ADGRG7: variants seen among roughly 807,000 people sequenced by gnomAD.
The protein encoded by ADGRG7 is adhesion G protein-coupled receptor G7.
In ADGRG7, 82 loss-of-function variants were observed where a neutral mutation model predicts 88.6. The ratio of observed to expected loss-of-function variants is 0.93; its 90% CI spans 0.77 to 1.11. The LOEUF (loss-of-function observed/expected upper bound fraction) is 1.11, where lower values mean the gene tolerates loss of function less well. ADGRG7 is among the 50% of genes most tolerant of loss of function. The pLI, the probability that ADGRG7 is intolerant of heterozygous loss-of-function variation, is 0.00. For synonymous variants in ADGRG7, 381 were observed against 345.2 expected (o/e 1.10, Z -1.15); for missense variants, 945 against 953.4 (o/e 0.99, Z 0.12).
At chr3:100,685,411 C>T (rs1003487785) in intron 15 of ADGRG7, among the ~76,000 whole-genome samples, 1 of 151,882 alleles carries the variant, frequency 6.6e-6, no homozygotes, top group Non-Finnish European at 1.5e-5. Flanking sequence ...TTTTAGGGTA[C>T]ATGTGCACAA....
intron 1 of ADGRG7, among the ~76,000 whole-genome samples, chr3:100,626,154 G>C (rs908109800): frequency 2.0e-5 from 3 of 152,106 alleles, no homozygotes; most frequent in African/African-American, 7.2e-5. Context: ...GCTTTTTTTG[G>C]TTGGTAGGCT....
intron 15 of ADGRG7, among the ~76,000 whole-genome samples, chr3:100,683,496 G>A (rs1447631463): frequency 2.0e-5 from 3 of 152,224 alleles, no homozygotes; most frequent in Non-Finnish European, 2.9e-5. Context: ...AGCCTCTCAG[G>A]GAGCTGGCGC....
Position 100,630,704 on chromosome 3 carries a change from G to C in ADGRG7, c.230-1G>C. The C allele has an allele frequency of 7.4e-7, 1 of 1,353,246 alleles. No homozygotes were observed. The highest frequency in any genetic ancestry group is 2.0e-5 in the South Asian group (1 of 50,446). The allele number at this position is 1,353,246 out of a possible 1,614,324, so 83.8% of individuals were successfully genotyped here. On this transcript the variant is annotated splice_acceptor_variant, in intron 2 of 15. Transcript: ENST00000273352. LOFTEE classifies it high-confidence loss of function. Reference sequence around the variant, plus strand: ...TAAAGAACTTTTTCTCTTTATTACAGCTAATTTTTGTGAAAATAGTACCTA... The same window carrying C: ...TAAAGAACTTTTTCTCTTTATTACACCTAATTTTTGTGAAAATAGTACCTA...
chr3:100,609,736 A>G lies in ADGRG7; in HGVS notation c.-121A>G. ...AAATACAAAGACATCCATCTGACAGATCACTGAGGGGAGGACTTGTTTTTC... is the reference window on the plus strand; with the variant it reads ...AAATACAAAGACATCCATCTGACAGGTCACTGAGGGGAGGACTTGTTTTTC... On this transcript the variant is annotated 5_prime_UTR_variant, in exon 1 of 16. Coordinates refer to ENST00000273352, the MANE Select transcript of ADGRG7 (RefSeq NM_032787.3). 1.5e-6 allele frequency: 1 copy of G among 661,688 alleles called. No homozygotes were observed. The highest frequency in any genetic ancestry group is 1.8e-5 in the South Asian group (1 of 55,894). The allele number at this position is 661,688 out of a possible 1,614,324, so 41.0% of individuals were successfully genotyped here. A position where few individuals can be genotyped will look rare whatever the true frequency, so the allele number is the denominator to read the frequency against.
At chr3:100,611,299 CCTTT>C (rs551467716) in intron 1 of ADGRG7, among the ~76,000 whole-genome samples, 4,379 of 110,792 alleles carry the variant, frequency 0.04, 180 homozygotes, top group African/African-American at 0.092. Flanking sequence ...TTCCTTCCTT[CCTTT>C]CTTCTTTCCT....
At chr3:100,635,378 C>A (rs558717077) in intron 4 of ADGRG7, among the ~76,000 whole-genome samples, 17 of 152,278 alleles carry the variant, frequency 1.1e-4, no homozygotes, top group African/African-American at 3.4e-4. Context: ...TCTCTACGAC[C>A]TTTGTAACAC....
chr3:100,652,864 G>A (rs983069880), intron 11 of ADGRG7, among the ~76,000 whole-genome samples: 11 of 151,902 alleles, frequency 7.2e-5, no homozygotes, highest in African/African-American at 2.7e-4. Context: ...CAAAATAAGA[G>A]AAACAGCTGC....
At chr3:100,645,861 T>C (rs770034828) in intron 8 of ADGRG7, 84 bp from the exon 9 acceptor site, 1 of 1,223,434 alleles carries the variant, frequency 8.2e-7, no homozygotes. Flanking sequence ...TAAGCAGCCA[T>C]GCACTTCTAC....
At chr3:100,645,727 G>A (rs1039063524) in intron 8 of ADGRG7, among the ~76,000 whole-genome samples, 1 of 151,440 alleles carries the variant, frequency 6.6e-6, no homozygotes, top group Admixed American at 6.6e-5. Flanking sequence ...GGAAACTGAA[G>A]CTCAGAAAAA....
intron 15 of ADGRG7, among the ~76,000 whole-genome samples, chr3:100,684,464 C>T (rs2094978907): frequency 6.6e-6 from 1 of 151,936 alleles, no homozygotes; most frequent in Non-Finnish European, 1.5e-5. Context: ...GATAGGGTCA[C>T]ACTATGTTGT....
chr3:100,615,423 A>G (rs1707211495), intron 1 of ADGRG7, among the ~76,000 whole-genome samples: 1 of 152,196 alleles, frequency 6.6e-6, no homozygotes, highest in Non-Finnish European at 1.5e-5. Flanking sequence ...ACAAGGTGTT[A>G]AACAGGTGAT....
intron 15 of ADGRG7, among the ~76,000 whole-genome samples, chr3:100,672,067 A>C (rs1163304777): frequency 1.3e-5 from 2 of 152,146 alleles, no homozygotes; most frequent in Non-Finnish European, 2.9e-5. Flanking sequence ...ATAAAATTTA[A>C]AGTAGTTTTT....
chr3:100,680,924 T>C lies in ADGRG7; in HGVS notation c.2136+11819T>C, dbSNP rs1343544460. On this transcript the variant is annotated intron_variant, in intron 15 of 15. Coordinates refer to ENST00000273352, the MANE Select transcript of ADGRG7 (RefSeq NM_032787.3). Reference sequence around the variant, plus strand: ...TATTCTTCATCCCTTTCTGAAAATCTGAACTTCATGAAGTGTTTTGTGGCA... The same window carrying C: ...TATTCTTCATCCCTTTCTGAAAATCCGAACTTCATGAAGTGTTTTGTGGCA... Among the ~76,000 whole-genome samples the C allele has an allele frequency of 2.0e-5, 3 of 152,332 alleles. No individual in the cohort carries two copies. In the East Asian group the frequency reaches 5.8e-4, roughly 29 times the overall value.
chr3:100,650,342 C>T (rs1192989318), intron 11 of ADGRG7, among the ~76,000 whole-genome samples: 1 of 152,030 alleles, frequency 6.6e-6, no homozygotes, highest in Non-Finnish European at 1.5e-5. Flanking sequence ...ATTTTGTATC[C>T]CATTCATTAT....
Position 100,615,813 on chromosome 3 carries a change from G to T in ADGRG7, c.115+5842G>T, listed in dbSNP as rs1025387085. On this transcript the variant is annotated intron_variant, in intron 1 of 15. Coordinates refer to ENST00000273352, the MANE Select transcript of ADGRG7 (RefSeq NM_032787.3). ...CATATGAGGGGCAGCAAGCACTGGTGCAATTTCAATGCATTCAGGGGGACA... is the reference window on the plus strand; with the variant it reads ...CATATGAGGGGCAGCAAGCACTGGTTCAATTTCAATGCATTCAGGGGGACA... Among the ~76,000 whole-genome samples the T allele has an allele frequency of 2.0e-5, 3 of 152,170 alleles. No homozygotes were observed. In the East Asian group the frequency reaches 5.8e-4, roughly 29 times the overall value.
chr3:100,656,057 A>G, intron 13 of ADGRG7, 62 bp downstream of exon 13: 1 of 954,816 alleles, frequency 1.0e-6, no homozygotes, highest in Non-Finnish European at 1.7e-6. Flanking sequence ...GTTCAGTGAT[A>G]TTGACTCCGA....
At chr3:100,677,565 T>A (rs1489311118) in intron 15 of ADGRG7, among the ~76,000 whole-genome samples, 3 of 152,138 alleles carry the variant, frequency 2.0e-5, no homozygotes, top group African/African-American at 7.2e-5. Context: ...CTTATTTTCT[T>A]TCAGATCGAA....
At chr3:100,692,369 G>A (rs1470671144) in intron 15 of ADGRG7, among the ~76,000 whole-genome samples, 1 of 152,178 alleles carries the variant, frequency 6.6e-6, no homozygotes, top group Non-Finnish European at 1.5e-5. Flanking sequence ...AGTAGGGTAA[G>A]CCTCATCTGA....
chr3:100,685,294 G>C (rs545310366), intron 15 of ADGRG7, among the ~76,000 whole-genome samples: 4 of 152,222 alleles, frequency 2.6e-5, no homozygotes, highest in African/African-American at 9.6e-5. Flanking sequence ...ACATTCTATA[G>C]ACGAACGGAA....
Sources: allele counts gnomAD v4.1 joint callset (sites outside exome capture counted in the v4.1 genomes callset), GRCh38; gene constraint gnomAD v4.1.1; transcripts MANE v1.5; gene names NCBI Gene and HGNC (gene_info 2026-07-23, HGNC 2026-07-21).